Variants in ATP9A observed in about 807,000 individuals in gnomAD.
ATP9A encodes probable phospholipid-transporting ATPase IIA.
ATP9A carries 52 observed loss-of-function variants against 144.1 expected under a neutral mutation model. The ratio of observed to expected loss-of-function variants is 0.36; its 90% CI spans 0.29 to 0.45. The LOEUF is 0.45. ATP9A is among the 20% of genes least tolerant of loss of function. The probability of loss-of-function intolerance (pLI) is 1.00; values close to 1 mark genes in which losing one functional copy is unlikely to be tolerated. For synonymous variants in ATP9A, 582 were observed against 557.4 expected (o/e 1.04, Z -0.62); for missense variants, 947 against 1,392.7 (o/e 0.68, Z 5.09).
intron 27 of ATP9A, 22 bp downstream of exon 27, chr20:51,604,795 T>G: frequency 6.9e-7 from 1 of 1,456,202 alleles, no homozygotes; most frequent in Non-Finnish European, 9.1e-7. Flanking sequence ...ACGGACGGGG[T>G]TTAAGCATTC....
intron 1 of ATP9A, among the ~76,000 whole-genome samples, chr20:51,761,974 C>G (rs1271210329): frequency 6.6e-6 from 1 of 152,108 alleles, no homozygotes; most frequent in Non-Finnish European, 1.5e-5. Context: ...ATGGCCCCTT[C>G]TTCCCTCTTC....
At chr20:51,708,778 G>C (rs905342280) in intron 4 of ATP9A, among the ~76,000 whole-genome samples, 3 of 152,064 alleles carry the variant, frequency 2.0e-5, no homozygotes, top group African/African-American at 4.8e-5. Flanking sequence ...TAGTTTTGAG[G>C]CCACATCCAA....
chr20:51,621,166 A>AAG (rs1347961093), intron 19 of ATP9A, among the ~76,000 whole-genome samples: 3 of 143,522 alleles, frequency 2.1e-5, no homozygotes, highest in Non-Finnish European at 4.6e-5. Context: ...AAAAAAAAGG[A>AAG]GAGATTTAAG....
chr20:51,598,561 A>C lies in ATP9A; in HGVS notation c.*2650T>G, dbSNP rs2077128934. On this transcript the variant is annotated 3_prime_UTR_variant, in exon 28 of 28. Coordinates refer to ENST00000338821, the MANE Select transcript of ATP9A (RefSeq NM_006045.3). ...TATGCTTAAGGTTTACAAACTCAGG[A>C]GAGTTTCTTGTATAGTAACTCTAGT... The C allele has an allele frequency of 6.6e-6, 1 of 152,048 alleles. No individual in the cohort carries two copies. The highest frequency in any genetic ancestry group is 2.1e-4 in the South Asian group (1 of 4,808). The allele number at this position is 152,048 out of a possible 1,614,324, so 9.4% of individuals were successfully genotyped here.
intron 11 of ATP9A, among the ~76,000 whole-genome samples, chr20:51,673,235 G>C (rs189159772): frequency 1.7e-4 from 26 of 152,108 alleles, no homozygotes; most frequent in Non-Finnish European, 3.4e-4. Context: ...TTAGCCAAGC[G>C]TGGTGGCAGG....
intron 14 of ATP9A, among the ~76,000 whole-genome samples, chr20:51,641,873 T>C (rs912039000): frequency 7.2e-6 from 1 of 139,834 alleles, no homozygotes; most frequent in Non-Finnish European, 1.6e-5. Flanking sequence ...CCAGTGGAGG[T>C]GATGCCTCCC....
At chr20:51,705,093 T>C (rs2077609652) in intron 4 of ATP9A, among the ~76,000 whole-genome samples, 1 of 152,258 alleles carries the variant, frequency 6.6e-6, no homozygotes, top group African/African-American at 2.4e-5. Flanking sequence ...CTTTGAAACA[T>C]AAGTAGTACT....
intron 26 of ATP9A, among the ~76,000 whole-genome samples, chr20:51,606,203 G>C (rs1201480492): frequency 3.3e-5 from 5 of 152,084 alleles, no homozygotes; most frequent in Non-Finnish European, 5.9e-5. Context: ...GTTGCAGTGA[G>C]CCAAAATGGC....
chr20:51,649,322 A>G (rs1234813848), intron 14 of ATP9A, among the ~76,000 whole-genome samples: 1 of 151,854 alleles, frequency 6.6e-6, no homozygotes, highest in Non-Finnish European at 1.5e-5. Flanking sequence ...CATAGTCCAG[A>G]CTCTAGGCAT....
At chr20:51,751,986 C>A (rs2077834190) in intron 1 of ATP9A, among the ~76,000 whole-genome samples, 1 of 151,232 alleles carries the variant, frequency 6.6e-6, no homozygotes, top group Non-Finnish European at 1.5e-5. Flanking sequence ...GGGATTCTCA[C>A]AAGACAAACG....
chr20:51,697,539 G>T, intron 4 of ATP9A, 57 bp from the exon 5 acceptor site: 1 of 1,543,672 alleles, frequency 6.5e-7, no homozygotes, highest in Non-Finnish European at 8.9e-7. Flanking sequence ...AATTCAACAC[G>T]TCTTTACAGA....
chr20:51,602,354 G>A (rs2077146668), intron 27 of ATP9A, among the ~76,000 whole-genome samples: 2 of 152,158 alleles, frequency 1.3e-5, no homozygotes, highest in Admixed American at 6.5e-5. Flanking sequence ...TAAGTGCCAG[G>A]CCCAAGGCTC....
At chr20:51,646,479 C>G (rs2077342814) in intron 14 of ATP9A, among the ~76,000 whole-genome samples, 1 of 152,174 alleles carries the variant, frequency 6.6e-6, no homozygotes, top group Non-Finnish European at 1.5e-5. Flanking sequence ...TAAATCTATC[C>G]ACAGACACAC....
Position 51,629,334 on chromosome 20 carries a change from A to G in ATP9A, c.1669-262T>C, listed in dbSNP as rs543323163. Among the ~76,000 whole-genome samples the G allele has an allele frequency of 5.3e-5, 8 of 152,372 alleles. No individual in the cohort carries two copies. In the South Asian group the frequency reaches 1.7e-3, roughly 32 times the overall value. On this transcript the variant is annotated intron_variant, in intron 15 of 27. Coordinates refer to ENST00000338821, the MANE Select transcript of ATP9A (RefSeq NM_006045.3). ...ATTTAAGACCTTTGTTTTGAAAGTT[A>G]TTACTATTTCAACTGGAATAGACTC...
At chr20:51,722,462 C>A (rs2077693638) in intron 3 of ATP9A, among the ~76,000 whole-genome samples, 1 of 152,034 alleles carries the variant, frequency 6.6e-6, no homozygotes, top group Admixed American at 6.6e-5. Context: ...GGACTAACAT[C>A]CAGAATCTAC....
At chr20:51,701,915 C>T (rs2122834908) in intron 4 of ATP9A, among the ~76,000 whole-genome samples, 1 of 152,282 alleles carries the variant, frequency 6.6e-6, no homozygotes, top group South Asian at 2.1e-4. Flanking sequence ...AATCCTAGCA[C>T]TTTGGGAGGC....
chr20:51,725,290 T>G (rs976991428), intron 3 of ATP9A, among the ~76,000 whole-genome samples: 4 of 152,034 alleles, frequency 2.6e-5, no homozygotes, highest in Middle Eastern at 3.4e-3. Flanking sequence ...ACCCCACTAA[T>G]TTTTATATTT....
At chr20:51,659,940 T>C (rs1331086475) in intron 13 of ATP9A, among the ~76,000 whole-genome samples, 1 of 152,176 alleles carries the variant, frequency 6.6e-6, no homozygotes, top group Non-Finnish European at 1.5e-5. Flanking sequence ...GTAACAATAA[T>C]TAGAGTAATG....
At chr20:51,755,023 CAGA>C (rs1441830076) in intron 1 of ATP9A, among the ~76,000 whole-genome samples, 1 of 152,056 alleles carries the variant, frequency 6.6e-6, no homozygotes, top group Non-Finnish European at 1.5e-5. Context: ...GAGGCTGAGG[CAGA>C]AGAATTGCTT....
Sources: allele counts gnomAD v4.1 joint callset (sites outside exome capture counted in the v4.1 genomes callset), GRCh38; gene constraint gnomAD v4.1.1; transcripts MANE v1.5; gene names NCBI Gene and HGNC (gene_info 2026-07-23, HGNC 2026-07-21).